Variants in PRSS22 observed in about 807,000 individuals in gnomAD.
PRSS22 encodes brain-specific serine protease 4.
Under a neutral mutation model 28.0 loss-of-function variants are expected in PRSS22, and 26 were observed. The observed-to-expected ratio is 0.93, with a 90% CI of 0.68 to 1.29. PRSS22 has a LOEUF of 1.29. PRSS22 is among the 50% of genes most tolerant of loss of function. The pLI is 0.00. For synonymous variants in PRSS22, 217 were observed against 177.9 expected (o/e 1.22, Z -1.75); for missense variants, 444 against 422.1 (o/e 1.05, Z -0.46).
At position 2,852,947 on chromosome 16, in the gene PRSS22, C is replaced by T; in HGVS notation, c.*146G>A. 1 of 637,046 alleles carries T rather than the reference C, an allele frequency of 1.6e-6. No homozygotes were observed. The highest frequency in any genetic ancestry group is 2.6e-6 in the Non-Finnish European group (1 of 387,630). 39.5% of individuals were successfully genotyped at this position (637,046 alleles called of 1,614,324 possible). A position where few individuals can be genotyped will look rare whatever the true frequency, so the allele number is the denominator to read the frequency against. On this transcript the variant is annotated 3_prime_UTR_variant, in exon 6 of 6. Transcript: ENST00000161006. ...TCGGGCGGGTCGGGGAGGGGGTTTC[C>T]TTTCCGCAGCAGCCGTCCGGGCCCC...
intron 3 of PRSS22, 101 bp downstream of exon 3, chr16:2,855,981 G>A (rs2069451916): frequency 2.6e-6 from 4 of 1,520,218 alleles, no homozygotes; most frequent in Non-Finnish European, 3.5e-6. Context: ...CACCAAGATT[G>A]AACAGAGGCC....
Position 2,853,222 on chromosome 16 carries a change from G to T in PRSS22, c.825C>A (p.Tyr275Ter). Residue 275 changes from tyrosine to a stop codon, truncating the protein, a stop_gained, in exon 6 of 6, where the codon TAC becomes TAA. Transcript: ENST00000161006. LOFTEE classifies it low-confidence loss of function (END_TRUNC). The surrounding 1 kb of genome is among the most constrained non-coding windows in gnomAD (Gnocchi z 4.6). ...GCAERNRPGVYISLSAHRSWV... is the reference protein window; with the variant it reads ...GCAERNRPGV ...AGGAGCGGTGCGCAGAGAGGCTGAT[G>T]TAGACCCCGGGCCTGTTGCGCTCGG... is the stretch of plus-strand genomic sequence containing the variant. 1 of 1,600,812 alleles carries T rather than the reference G, an allele frequency of 6.2e-7. No individual in the cohort carries two copies.
intron 4 of PRSS22, chr16:2,854,420 C>T: frequency 5.2e-6 from 1 of 193,408 alleles, no homozygotes; most frequent in Non-Finnish European, 1.1e-5. Flanking sequence ...AGCTGGTCTA[C>T]AGACTGTGGT....
chr16:2,856,142 T>G lies in PRSS22; in HGVS notation c.221A>C (p.His74Pro). The change falls in exon 3 of 6, where the codon CAC (histidine) becomes CCC (proline). Residue 74 changes from histidine to proline, a missense_variant. Transcript: ENST00000161006. ...IVSIQKNGTH[H>P]CAGSLLTSRW... The stretch of plus-strand genomic sequence containing the variant: ...GCTGGTGAGCAGAGAACCTGCGCAG[T>G]GGTGGGTCCCATTCTTCTGGATGCT... 6.2e-7 allele frequency: 1 copy of G among 1,613,926 alleles called. No homozygotes were observed. Among genetic ancestry groups the G allele is most frequent in the Non-Finnish European group, 8.5e-7 (1 of 1,179,954 alleles).
rs2069423463 is a variant in PRSS22, at chr16:2,853,266, T to A, written c.781A>T (p.Ser261Cys). The A allele has an allele frequency of 1.2e-6, 2 of 1,600,700 alleles. No individual in the cohort carries two copies. Among genetic ancestry groups the A allele is most frequent in the African/African-American group, 2.7e-5 (2 of 74,984 alleles). The part of the protein sequence containing the change: ...DGAWLLAGII[S>C]WGEGCAERNR... ...CGCTCGGCACAGCCCTCGCCCCAGC[T>A]GATGATGCCGGCCAGCAGCCAGGCG... The change falls in exon 6 of 6, where the codon AGC becomes TGC. Residue 261 changes from serine (S) to cysteine (C), a missense_variant. Transcript: ENST00000161006. This position sits in a 1 kb window ranked among gnomAD's most constrained non-coding sequence, Gnocchi z 4.6.
Position 2,852,868 on chromosome 16 carries a change from G to A in PRSS22, c.*225C>T. On this transcript the variant is annotated 3_prime_UTR_variant, in exon 6 of 6. Transcript: ENST00000161006. ...GCGGGGCCGGAAGTCGTGGGGGCGG[G>A]GACATGAGGCCGTTGGGCGGGGCCT... The A allele has an allele frequency of 1.9e-6, 1 of 539,628 alleles. No individual in the cohort carries two copies. The allele number at this position is 539,628 out of a possible 1,614,324, so 33.4% of individuals were successfully genotyped here.
At chr16:2,857,826 A>T (rs2069477235) in intron 1 of PRSS22, 197 bp downstream of exon 1, 2 of 410,630 alleles carry the variant, frequency 4.9e-6, no homozygotes, top group African/African-American at 4.1e-5. Context: ...CGCGCTGCGT[A>T]CTTGCTGCGT....
Position 2,855,665 on chromosome 16 carries a change from C to T in PRSS22, c.468G>A (p.Arg156=), listed in dbSNP as rs1289258255. The T allele has an allele frequency of 6.2e-7, 1 of 1,614,144 alleles. No homozygotes were observed. Among genetic ancestry groups the T allele is most frequent in the South Asian group, 1.1e-5 (1 of 91,076 alleles). Residue 156 remains arginine (R), a synonymous_variant, in exon 4 of 6, where the codon CGG becomes CGA. Transcript: ENST00000161006. ...CATCAGGTAGGCAGATGGGCAGGACCCGCTCTGAGAACTGTATGGAGCGCT... is the reference window on the plus strand; with the variant it reads ...CATCAGGTAGGCAGATGGGCAGGACTCGCTCTGAGAACTGTATGGAGCGCT... ...RLERSIQFSE[R]VLPICLPDAS...
At chr16:2,857,972 G>A (rs771317219) in intron 1 of PRSS22, 51 bp downstream of exon 1, 2 of 1,229,852 alleles carry the variant, frequency 1.6e-6, no homozygotes, top group Non-Finnish European at 2.1e-6. Flanking sequence ...GGGAAGGAGG[G>A]AAGGAGGGTG....
intron 2 of PRSS22, among the ~76,000 whole-genome samples, chr16:2,856,511 C>T (rs550400028): frequency 6.6e-6 from 1 of 151,946 alleles, no homozygotes; most frequent in East Asian, 1.9e-4. Context: ...TCACTCTCTG[C>T]TGGTCCTCAC....
At chr16:2,855,336 A>T (rs1437360582) in intron 4 of PRSS22, among the ~76,000 whole-genome samples, 1 of 121,890 alleles carries the variant, frequency 8.2e-6, no homozygotes. Flanking sequence ...TGACAGAGTA[A>T]CACCCTGTCT....
In PRSS22 at chr16:2,855,631, G is replaced by A. The variant is rs911270196; in HGVS notation, c.502C>T (p.His168Tyr). ...CAGCAGTGGGTGTTTGGAGGGAGGTGGATAGAGGCATCAGGTAGGCAGATG... is the reference window on the plus strand; with the variant it reads ...CAGCAGTGGGTGTTTGGAGGGAGGTAGATAGAGGCATCAGGTAGGCAGATG... ...LPICLPDASI[H>Y]LPPNTHCWIS... is the part of the protein sequence containing the mutation. Residue 168 changes from histidine to tyrosine, a missense_variant, in exon 4 of 6, where the codon CAC becomes TAC. By Grantham distance (83) the His-to-Tyr change is moderately conservative. Coordinates refer to ENST00000161006, the MANE Select transcript of PRSS22 (RefSeq NM_022119.4). 9 of 1,614,034 alleles carry A rather than the reference G, an allele frequency of 5.6e-6. No individual in the cohort carries two copies. The highest frequency in any genetic ancestry group is 1.3e-5 in the African/African-American group (1 of 74,916).
intron 2 of PRSS22, 83 bp downstream of exon 2, chr16:2,856,739 G>T (rs2069461273): frequency 6.7e-7 from 1 of 1,489,474 alleles, no homozygotes; most frequent in Non-Finnish European, 9.2e-7. Context: ...TCTGACCTGT[G>T]CCCAGGGGAC....
chr16:2,853,804 C>G lies in PRSS22; in HGVS notation c.717+61G>C. On this transcript the variant is annotated intron_variant, in intron 5 of 5. Coordinates refer to ENST00000161006, the MANE Select transcript of PRSS22 (RefSeq NM_022119.4). This position sits in a 1 kb window ranked among gnomAD's most constrained non-coding sequence, Gnocchi z 4.6. ...GTTGTGGGGCTCAGTGGGGACAGGA[C>G]TGACGCTGGCTCCTTCCCGAGGCCC... The G allele has an allele frequency of 6.3e-7, 1 of 1,587,550 alleles. No homozygotes were observed. Among genetic ancestry groups the G allele is most frequent in the Non-Finnish European group, 8.6e-7 (1 of 1,167,500 alleles).
chr16:2,855,825 G>A lies in PRSS22; in HGVS notation c.308C>T (p.Ser103Phe). 1 of 1,613,282 alleles carries A rather than the reference G, an allele frequency of 6.2e-7. No individual in the cohort carries two copies. The highest frequency in any genetic ancestry group is 1.1e-5 in the South Asian group (1 of 91,056). The change falls in exon 4 of 6, where the codon TCT (serine) becomes TTT (phenylalanine). Residue 103 changes from serine (S) to phenylalanine (F), a missense_variant. Coordinates refer to ENST00000161006, the MANE Select transcript of PRSS22 (RefSeq NM_022119.4). The part of the protein sequence containing the change: ...KDNLNKPYLF[S>F]VLLGAWQLGN... ...CAGCTGCCAGGCCCCCAGCAGCACA[G>A]AGAACAGGTATGGTTTGTTCAGGTT...
chr16:2,853,375 G>A lies in PRSS22; in HGVS notation c.718-46C>T. The stretch of plus-strand genomic sequence containing the variant: ...TAGGAACCCCCGTGGCACAGGGGGT[G>A]GCAGAATCCAGGGCCCGTGCCCTGT... On this transcript the variant is annotated intron_variant, in intron 5 of 5. Transcript: ENST00000161006. This position sits in a 1 kb window ranked among gnomAD's most constrained non-coding sequence, Gnocchi z 4.6. The A allele has an allele frequency of 6.7e-7, 1 of 1,496,978 alleles. No homozygotes were observed. Among genetic ancestry groups the A allele is most frequent in the Non-Finnish European group, 9.1e-7 (1 of 1,101,746 alleles). 92.7% of individuals were successfully genotyped at this position (1,496,978 alleles called of 1,614,324 possible). A position where few individuals can be genotyped will look rare whatever the true frequency, so the allele number is the denominator to read the frequency against.
At position 2,854,009 on chromosome 16, in the gene PRSS22, G is replaced by C; in HGVS notation, c.573C>G (p.His191Gln). 2 of 1,614,194 alleles carry C rather than the reference G, an allele frequency of 1.2e-6. No homozygotes were observed. The highest frequency in any genetic ancestry group is 8.5e-7 in the Non-Finnish European group (1 of 1,180,046). ...CCTTCAGCTTCTGCAGGGTCTGAGG[G>C]TGGGGCAAGGGAACTGGGAGGAAAG... Reference protein sequence around the residue: ...GSIQDGVPLPHPQTLQKLKVP... With the variant: ...GSIQDGVPLPQPQTLQKLKVP... The change falls in exon 5 of 6, where the codon CAC becomes CAG. Residue 191 changes from histidine to glutamine, a missense_variant. Physicochemically the swap from His to Gln is conservative, Grantham distance 24 (BLOSUM62 0). Transcript: ENST00000161006.
intron 1 of PRSS22, chr16:2,857,207 GA>G: frequency 3.3e-6 from 1 of 305,046 alleles, no homozygotes; most frequent in South Asian, 2.8e-5. Context: ...GCCCAGTGAG[GA>G]GGGCTCCCCA....
Position 2,853,868 on chromosome 16 carries a change from A to G in PRSS22, c.714T>C (p.Cys238=), listed in dbSNP as rs2069429809. 6.2e-7 allele frequency: 1 copy of G among 1,613,862 alleles called. No homozygotes were observed. The highest frequency in any genetic ancestry group is 1.3e-5 in the African/African-American group (1 of 75,024). ...TGGGGGGCTCGAGGGAGCTCACCAGACAAGCATCCCGCTCCCCCTCCAAGT... is the reference window on the plus strand; with the variant it reads ...TGGGGGGCTCGAGGGAGCTCACCAGGCAAGCATCCCGCTCCCCCTCCAAGT... ...AGYLEGERDA[C]LGDSGGPLMC... is the part of the protein sequence containing the mutation. The change falls in exon 5 of 6, where the codon TGT becomes TGC. Residue 238 remains cysteine, a synonymous_variant. Coordinates refer to ENST00000161006, the MANE Select transcript of PRSS22 (RefSeq NM_022119.4). This position sits in a 1 kb window ranked among gnomAD's most constrained non-coding sequence, Gnocchi z 4.6.
Sources: allele counts gnomAD v4.1 joint callset (sites outside exome capture counted in the v4.1 genomes callset), GRCh38; gene constraint gnomAD v4.1.1; non-coding constraint Gnocchi (gnomAD v3.1); transcripts MANE v1.5; gene names NCBI Gene and HGNC (gene_info 2026-07-23, HGNC 2026-07-21).